SFXN5: variants seen among roughly 807,000 people sequenced by gnomAD.
SFXN5 encodes sideroflexin-5.
SFXN5 carries 43 observed loss-of-function variants against 50.2 expected under a neutral mutation model. The ratio of observed to expected loss-of-function variants is 0.86; its 90% CI spans 0.67 to 1.11. SFXN5 has a LOEUF of 1.11. Among genes scored for constraint, SFXN5 ranks in the 50% least tolerant of loss-of-function variants. The pLI is 0.00. For missense variants in SFXN5, 463 were observed against 454.1 expected (o/e 1.02, Z -0.18); for synonymous variants, 203 against 185.8 (o/e 1.09, Z -0.75).
At chr2:73,064,427 C>T (rs2106059726) in intron 1 of SFXN5, among the ~76,000 whole-genome samples, 1 of 152,342 alleles carries the variant, frequency 6.6e-6, no homozygotes, top group South Asian at 2.1e-4. Context: ...CAGTGTGACT[C>T]TTGGAAATTA....
chr2:72,993,947 T>C (rs1672910581), intron 9 of SFXN5, among the ~76,000 whole-genome samples: 1 of 152,176 alleles, frequency 6.6e-6, no homozygotes, highest in Non-Finnish European at 1.5e-5. Context: ...TGAACTCTGT[T>C]ATACCTAAAG....
At chr2:73,040,601 C>G (rs867133228) in intron 3 of SFXN5, among the ~76,000 whole-genome samples, 23 of 152,230 alleles carry the variant, frequency 1.5e-4, no homozygotes, top group African/African-American at 4.8e-4. Context: ...CTCTCGCAAG[C>G]CAGTGCGGGC....
intron 10 of SFXN5, chr2:72,981,177 C>T (rs1671262329): frequency 6.6e-6 from 1 of 152,160 alleles, no homozygotes; most frequent in African/African-American, 2.4e-5. Context: ...GATCCTGTCA[C>T]TCTTATGGCG....
chr2:72,956,990 G>A (rs1232175597), intron 13 of SFXN5: 6 of 456,428 alleles, frequency 1.3e-5, no homozygotes, highest in South Asian at 3.1e-5. Flanking sequence ...CCACTCTGGA[G>A]ACAGCCCCTC....
rs561926442 is a variant in SFXN5 at position 73,017,793 on chromosome 2, T to G, written c.357+2446A>C. On this transcript the variant is annotated intron_variant, in intron 6 of 13. Coordinates refer to ENST00000272433, the MANE Select transcript of SFXN5 (RefSeq NM_144579.3). ...CCTAGCTCTGTCCCCCAAGAGTACC[T>G]AGAAGCAATGCCACTCCAGTAACCA... Among the ~76,000 whole-genome samples, 69 of 152,290 alleles carry G rather than the reference T, an allele frequency of 4.5e-4. 1 individual carries two copies. In the South Asian group the frequency reaches 0.014, roughly 31 times the overall value.
At chr2:73,025,274 C>T (rs1309699389) in intron 3 of SFXN5, among the ~76,000 whole-genome samples, 1 of 152,140 alleles carries the variant, frequency 6.6e-6, no homozygotes, top group Non-Finnish European at 1.5e-5. Context: ...TACACAGACT[C>T]CTGACACCCC....
At chr2:72,947,531 A>G (rs1297267292) in intron 13 of SFXN5, among the ~76,000 whole-genome samples, 3 of 152,174 alleles carry the variant, frequency 2.0e-5, no homozygotes, top group Admixed American at 2.0e-4. Flanking sequence ...GACACCCGCC[A>G]TATGTCAAGA....
intron 8 of SFXN5, among the ~76,000 whole-genome samples, 178 bp from the exon 9 acceptor site, chr2:72,999,192 A>G (rs1474431299): frequency 6.6e-6 from 1 of 152,216 alleles, no homozygotes; most frequent in African/African-American, 2.4e-5. Context: ...TTCCCAATGC[A>G]GAAATATAAA....
chr2:72,944,652 G>C lies in SFXN5; in HGVS notation c.*370C>G, dbSNP rs1186830998. On this transcript the variant is annotated 3_prime_UTR_variant, in exon 14 of 14. Transcript: ENST00000272433. ...TCTGGTCAGCTGAAACTAAGGCTCA[G>C]ATTTGATTCTGATAAAAAATAAAAA... 1.1e-5 allele frequency: 2 copies of C among 183,382 alleles called. No individual in the cohort carries two copies. Among genetic ancestry groups the C allele is most frequent in the African/African-American group, 4.7e-5 (2 of 42,228 alleles). The allele number at this position is 183,382 out of a possible 1,614,324, so 11.4% of individuals were successfully genotyped here.
chr2:73,044,981 G>C (rs1680135507), intron 2 of SFXN5, among the ~76,000 whole-genome samples: 1 of 152,244 alleles, frequency 6.6e-6, no homozygotes, highest in Non-Finnish European at 1.5e-5. Flanking sequence ...AATGGGGACA[G>C]AGGGACAAGG....
intron 3 of SFXN5, among the ~76,000 whole-genome samples, chr2:73,028,304 G>A (rs1290606824): frequency 1.3e-5 from 2 of 152,188 alleles, no homozygotes; most frequent in African/African-American, 2.4e-5. Context: ...ACATGCTGGC[G>A]GCCCGGACCC....
At chr2:73,057,140 A>G (rs1682248235) in intron 2 of SFXN5, among the ~76,000 whole-genome samples, 1 of 152,110 alleles carries the variant, frequency 6.6e-6, no homozygotes, top group South Asian at 2.1e-4. Context: ...TGAATCCCAA[A>G]AGCATTTTTT....
At chr2:72,980,289 C>T (rs932872462) in intron 10 of SFXN5, among the ~76,000 whole-genome samples, 22 of 152,194 alleles carry the variant, frequency 1.4e-4, no homozygotes, top group Non-Finnish European at 2.9e-4. Context: ...TAGCCAGGTT[C>T]TCATGTCCCT....
intron 2 of SFXN5, chr2:73,042,547 A>C (rs1222506511): frequency 6.6e-6 from 1 of 152,298 alleles, no homozygotes; most frequent in African/African-American, 2.4e-5. Flanking sequence ...TGGGAGGTAG[A>C]GGTTGCAGTG....
intron 5 of SFXN5, among the ~76,000 whole-genome samples, chr2:73,021,013 C>T (rs1216265645): frequency 1.3e-5 from 2 of 152,208 alleles, no homozygotes; most frequent in African/African-American, 2.4e-5. Context: ...AGCTTTGCTC[C>T]TGAGTGCACA....
chr2:73,019,000 T>C (rs1290093114), intron 6 of SFXN5, among the ~76,000 whole-genome samples: 1 of 152,226 alleles, frequency 6.6e-6, no homozygotes, highest in Non-Finnish European at 1.5e-5. Flanking sequence ...AAAACAGCAC[T>C]ATTTGTTGTA....
chr2:72,954,527 G>A (rs1251996927), intron 13 of SFXN5, among the ~76,000 whole-genome samples: 1 of 152,188 alleles, frequency 6.6e-6, no homozygotes, highest in East Asian at 1.9e-4. Context: ...TGCAACAGCT[G>A]AGGCAGGGAA....
chr2:73,056,269 C>T (rs1357912067), intron 2 of SFXN5, among the ~76,000 whole-genome samples: 2 of 152,108 alleles, frequency 1.3e-5, no homozygotes, highest in Admixed American at 1.3e-4. Context: ...GTAATCCCAG[C>T]TAATTTGGAG....
chr2:73,008,963 G>A (rs1675124053), intron 6 of SFXN5, among the ~76,000 whole-genome samples: 1 of 152,102 alleles, frequency 6.6e-6, no homozygotes, highest in Non-Finnish European at 1.5e-5. Context: ...TGACTCCCGG[G>A]CAAAGTGGAA....
Sources: allele counts gnomAD v4.1 joint callset (sites outside exome capture counted in the v4.1 genomes callset), GRCh38; gene constraint gnomAD v4.1.1; transcripts MANE v1.5; gene names NCBI Gene and HGNC (gene_info 2026-07-23, HGNC 2026-07-21).